TET3: variants seen among roughly 807,000 people sequenced by gnomAD.
TET3 encodes tet methylcytosine dioxygenase 3, also known as methylcytosine dioxygenase TET3.
TET3 carries 19 observed loss-of-function variants against 141.4 expected under a neutral mutation model. That is an observed-to-expected ratio of 0.13 (90% CI 0.09 to 0.20). TET3 has a LOEUF of 0.20. Among genes scored for constraint, TET3 ranks in the 10% least tolerant of loss-of-function variants. The pLI is 1.00. For missense variants in TET3, 1,874 were observed against 2,356.9 expected (o/e 0.80, Z 4.24); for synonymous variants, 1,043 against 980.9 (o/e 1.06, Z -1.18).
At chr2:74,018,955 A>G (rs950158971) in intron 3 of TET3, among the ~76,000 whole-genome samples, 1 of 152,152 alleles carries the variant, frequency 6.6e-6, no homozygotes, top group South Asian at 2.1e-4. Context: ...GTGTTCATCA[A>G]AGTTTTAAGG....
rs111267595 is a variant in TET3, at chr2:74,102,542, A to G, written c.*366A>G. 0.025 allele frequency: 4,096 copies of G among 163,026 alleles called. 200 individuals carry two copies. Among genetic ancestry groups the G allele is most frequent in the African/African-American group, 0.091 (3,834 of 41,952 alleles). 10.1% of individuals were successfully genotyped at this position (163,026 alleles called of 1,614,324 possible). Reference sequence around the variant, plus strand: ...TCACAATAATGGAAAGAAAGTTTATAGTATCCTTTCACAAAGGAGTAGTTT... The same window carrying G: ...TCACAATAATGGAAAGAAAGTTTATGGTATCCTTTCACAAAGGAGTAGTTT... On this transcript the variant is annotated 3_prime_UTR_variant, in exon 12 of 12. Transcript: ENST00000409262.
chr2:74,093,077 C>A lies in TET3; in HGVS notation c.3129+86C>A. 1 of 1,194,494 alleles carries A rather than the reference C, an allele frequency of 8.4e-7. No individual in the cohort carries two copies. Among genetic ancestry groups the A allele is most frequent in the Non-Finnish European group, 1.2e-6 (1 of 827,692 alleles). 74.0% of individuals were successfully genotyped at this position (1,194,494 alleles called of 1,614,324 possible). A position where few individuals can be genotyped will look rare whatever the true frequency, so the allele number is the denominator to read the frequency against. The stretch of plus-strand genomic sequence containing the variant: ...TGAAGGTGGGAAGTGGGAGAGTGGG[C>A]TCTTTTACTCTCTTATGGGAAGAGC... On this transcript the variant is annotated intron_variant, in intron 9 of 11. Transcript: ENST00000409262. The surrounding 1 kb of genome is among the most constrained non-coding windows in gnomAD (Gnocchi z 4.2).
In TET3 at chr2:74,092,789, A is replaced by G. The variant is rs142248543; in HGVS notation, c.3040-113A>G. The G allele has an allele frequency of 2.0e-4, 177 of 891,712 alleles. No homozygotes were observed. The African/African-American group carries it at 2.4e-3, about 12-fold the overall frequency. 55.2% of individuals were successfully genotyped at this position (891,712 alleles called of 1,614,324 possible). ...GGAAAGGCCAGAAAGACACCTGATA[A>G]CACCTCCCTCCCAGCCTCCCCCACG... On this transcript the variant is annotated intron_variant, in intron 8 of 11. Coordinates refer to ENST00000409262, the MANE Select transcript of TET3 (RefSeq NM_001287491.2).
the TET3 span, among the ~76,000 whole-genome samples, chr2:74,132,693 A>C: frequency 6.6e-6 from 1 of 152,102 alleles, no homozygotes; most frequent in African/African-American, 2.4e-5. Context: ...GCTGAACTGG[A>C]CATTAAAATA....
the TET3 span, among the ~76,000 whole-genome samples, chr2:74,133,085 T>C: frequency 4.0e-5 from 6 of 149,974 alleles, no homozygotes; most frequent in Admixed American, 2.7e-4. Context: ...TTTTTTTTTT[T>C]TTTTTTTTAG....
At chr2:74,041,927 C>A (rs1410967096) in intron 3 of TET3, among the ~76,000 whole-genome samples, 1 of 152,146 alleles carries the variant, frequency 6.6e-6, no homozygotes, top group African/African-American at 2.4e-5. Context: ...TTCTTTCTAG[C>A]CTGTTGACCT....
chr2:74,088,493 TAGTC>T (rs1161254081), intron 7 of TET3, among the ~76,000 whole-genome samples: 4 of 151,514 alleles, frequency 2.6e-5, no homozygotes, highest in African/African-American at 7.3e-5. Context: ...ATAAAAAAAT[TAGTC>T]AGGCGTGGTG....
chr2:73,983,868 C>T (rs1355673126), upstream of TET3, among the ~76,000 whole-genome samples: 5 of 152,326 alleles, frequency 3.3e-5, no homozygotes, highest in Non-Finnish European at 7.3e-5. Context: ...TCCCCTGCAA[C>T]CGAGGTAGGT....
chr2:74,031,053 A>G (rs1222276891), intron 3 of TET3, among the ~76,000 whole-genome samples: 1 of 152,126 alleles, frequency 6.6e-6, no homozygotes, highest in Admixed American at 6.6e-5. Context: ...CTTAAGTTGC[A>G]TTCAAGTGGA....
chr2:74,046,340 G>T lies in TET3; in HGVS notation c.423G>T (p.Val141=). Residue 141 remains valine (V), a synonymous_variant, in exon 4 of 12, where the codon GTG becomes GTT. Transcript: ENST00000409262. This position sits in a 1 kb window ranked among gnomAD's most constrained non-coding sequence, Gnocchi z 4.3. The part of the protein sequence containing the change: ...PVPGQMDSGP[V]YHGDSRQLSA... ...CAGGTCAGATGGACTCAGGGCCAGT[G>T]TACCATGGGGACTCACGGCAGCTAA... The T allele has an allele frequency of 6.6e-7, 1 of 1,525,178 alleles. No individual in the cohort carries two copies. The highest frequency in any genetic ancestry group is 8.8e-7 in the Non-Finnish European group (1 of 1,139,664). The allele number at this position is 1,525,178 out of a possible 1,614,324, so 94.5% of individuals were successfully genotyped here. A position where few individuals can be genotyped will look rare whatever the true frequency, so the allele number is the denominator to read the frequency against.
intron 2 of TET3, among the ~76,000 whole-genome samples, chr2:73,999,973 C>T (rs1010715121): frequency 1.1e-4 from 16 of 151,866 alleles, no homozygotes; most frequent in African/African-American, 3.6e-4. Flanking sequence ...CTGGTGTAGC[C>T]GAGGGCTGCT....
intron 6 of TET3, among the ~76,000 whole-genome samples, chr2:74,082,727 T>A (rs1287071927): frequency 6.6e-6 from 1 of 152,112 alleles, no homozygotes; most frequent in East Asian, 1.9e-4. Context: ...ATACCCTATG[T>A]TTTTTGGTAA....
At chr2:74,123,104 T>C in the TET3 span, 4 of 152,188 alleles carry the variant, frequency 2.6e-5, no homozygotes, top group Admixed American at 6.5e-5. Flanking sequence ...AGCAAAAATA[T>C]TGTATATTAT....
chr2:74,132,807 T>C, the TET3 span, among the ~76,000 whole-genome samples: 1 of 152,202 alleles, frequency 6.6e-6, no homozygotes, highest in Non-Finnish European at 1.5e-5. Flanking sequence ...GGACAGCAGA[T>C]GAAGGGGAGA....
intron 3 of TET3, among the ~76,000 whole-genome samples, chr2:74,006,856 A>G (rs889290666): frequency 3.9e-5 from 6 of 152,210 alleles, no homozygotes; most frequent in African/African-American, 1.2e-4. Context: ...GCGTCTCTAC[A>G]GCTTCAGAGA....
intron 4 of TET3, among the ~76,000 whole-genome samples, chr2:74,072,983 C>T (rs1468656901): frequency 6.6e-6 from 1 of 152,198 alleles, no homozygotes; most frequent in Non-Finnish European, 1.5e-5. Context: ...TTTTATGTAT[C>T]CATCCACCTG....
At chr2:74,074,865 G>T (rs988565851) in intron 5 of TET3, among the ~76,000 whole-genome samples, 2 of 146,272 alleles carry the variant, frequency 1.4e-5, no homozygotes, top group African/African-American at 5.3e-5. Context: ...TTTTTTGTTT[G>T]TTTGTTTGTT....
intron 4 of TET3, among the ~76,000 whole-genome samples, chr2:74,065,682 T>C (rs1401874335): frequency 6.6e-6 from 1 of 151,224 alleles, no homozygotes; most frequent in Non-Finnish European, 1.5e-5. Context: ...TCTTTCCCTT[T>C]CTTTTCTTCT....
chr2:74,123,469 C>A, the TET3 span, among the ~76,000 whole-genome samples: 1 of 152,144 alleles, frequency 6.6e-6, no homozygotes, highest in Admixed American at 6.5e-5. Context: ...ATACAAAAAA[C>A]TGGACCCGGC....
Sources: allele counts gnomAD v4.1 joint callset (sites outside exome capture counted in the v4.1 genomes callset), GRCh38; gene constraint gnomAD v4.1.1; non-coding constraint Gnocchi (gnomAD v3.1); transcripts MANE v1.5; gene names NCBI Gene and HGNC (gene_info 2026-07-23, HGNC 2026-07-21).